Variants in BTBD8 observed in about 807,000 individuals in gnomAD.
The protein encoded by BTBD8 is BTB domain containing 8, also known as BTB/POZ domain-containing protein 8.
BTBD8 carries 110 observed loss-of-function variants against 162.9 expected under a neutral mutation model. The observed-to-expected ratio is 0.68, with a 90% CI of 0.58 to 0.79. The LOEUF (loss-of-function observed/expected upper bound fraction) is 0.79. Ranked by LOEUF, BTBD8 falls within the 30% of genes least tolerant of loss-of-function variation. The pLI, the probability that BTBD8 is intolerant of heterozygous loss-of-function variation, is 0.00. For missense variants in BTBD8, 1,905 were observed against 2,085.4 expected, an observed-to-expected ratio of 0.91 and a Z score of 1.68; for synonymous variants, 667 against 716.1, an observed-to-expected ratio of 0.93 and a Z score of 1.10.
chr1:92,170,963 A>G (rs1029257633), intron 12 of BTBD8, among the ~76,000 whole-genome samples: 2 of 151,770 alleles, frequency 1.3e-5, no homozygotes, highest in African/African-American at 4.8e-5. Flanking sequence ...AATATTTTTA[A>G]TTTCAAGAGT....
intron 2 of BTBD8, among the ~76,000 whole-genome samples, chr1:92,095,909 C>T (rs1648438753): frequency 6.6e-6 from 1 of 152,142 alleles, no homozygotes; most frequent in Non-Finnish European, 1.5e-5. Context: ...TTCTAGCTTA[C>T]TCCCTTTAGG....
intron 13 of BTBD8, among the ~76,000 whole-genome samples, chr1:92,176,496 TATC>T (rs1180832275): frequency 1.3e-5 from 2 of 152,200 alleles, no homozygotes; most frequent in Non-Finnish European, 2.9e-5. Context: ...TCATGGATAT[TATC>T]ATTCCTCAGG....
At chr1:92,139,208 T>TG (rs1649708142) in intron 5 of BTBD8, 142 bp from the exon 6 acceptor site, 8 of 784,858 alleles carry the variant, frequency 1.0e-5, no homozygotes, top group Non-Finnish European at 1.5e-5. Flanking sequence ...TATACCTGCA[T>TG]GGATGTTATT....
chr1:92,176,335 G>A (rs1050195313), intron 13 of BTBD8, among the ~76,000 whole-genome samples: 1 of 151,988 alleles, frequency 6.6e-6, no homozygotes, highest in South Asian at 2.1e-4. Flanking sequence ...TGAGACCTGG[G>A]GTAAATCACA....
At chr1:92,127,443 A>G (rs1001869048) in intron 4 of BTBD8, among the ~76,000 whole-genome samples, 17 of 152,250 alleles carry the variant, frequency 1.1e-4, no homozygotes, top group African/African-American at 3.4e-4. Context: ...AACGAAAGTC[A>G]TAACAGAAAT....
chr1:92,133,189 A>G (rs918252857), intron 5 of BTBD8, among the ~76,000 whole-genome samples: 10 of 152,220 alleles, frequency 6.6e-5, no homozygotes, highest in Admixed American at 2.0e-4. Context: ...GTGTGGTGTC[A>G]TAGAAGGATC....
At chr1:92,119,310 G>T in intron 4 of BTBD8, among the ~76,000 whole-genome samples, 1 of 140,554 alleles carries the variant, frequency 7.1e-6, no homozygotes, top group East Asian at 2.0e-4. Context: ...TTTTGAGACA[G>T]GGTCTTGCTC....
At chr1:92,110,654 T>C (rs1648863916) in intron 4 of BTBD8, among the ~76,000 whole-genome samples, 1 of 152,054 alleles carries the variant, frequency 6.6e-6, no homozygotes, top group Admixed American at 6.6e-5. Context: ...ACCATTCTCC[T>C]GCCTCAGCCT....
At chr1:92,101,723 G>A (rs1056620567) in intron 2 of BTBD8, among the ~76,000 whole-genome samples, 4 of 151,972 alleles carry the variant, frequency 2.6e-5, no homozygotes, top group African/African-American at 9.7e-5. Flanking sequence ...TTTGAGACAG[G>A]GTTTCACTCT....
chr1:92,166,487 C>T (rs760930071), intron 9 of BTBD8, among the ~76,000 whole-genome samples: 26 of 138,406 alleles, frequency 1.9e-4, no homozygotes, highest in African/African-American at 7.2e-4. Flanking sequence ...TGCAGTGGTG[C>T]GATCTCAGCT....
At chr1:92,087,309 G>C (rs1212815144) in intron 1 of BTBD8, among the ~76,000 whole-genome samples, 3 of 152,028 alleles carry the variant, frequency 2.0e-5, no homozygotes, top group Non-Finnish European at 4.4e-5. Flanking sequence ...GGGGTGGGAT[G>C]GGGGGAAGGA....
At chr1:92,166,421 TTTC>T (rs1650387579) in intron 9 of BTBD8, among the ~76,000 whole-genome samples, 1 of 104,202 alleles carries the variant, frequency 9.6e-6, no homozygotes, top group African/African-American at 3.8e-5. Context: ...TTTTCTTTTC[TTTC>T]TTTTTTTTTT....
At position 92,184,424 on chromosome 1, in the gene BTBD8, T is replaced by C. The variant is rs779448086; in HGVS notation, c.*94T>C. On this transcript the variant is annotated 3_prime_UTR_variant, in exon 18 of 18. Transcript: ENST00000636805. ...AATTGCATTAGCCGGATATAAACTT[T>C]CTTTAATATTGAGTCTTTCCAATTT... 4.2e-5 allele frequency: 31 copies of C among 743,676 alleles called. No individual in the cohort carries two copies. The highest frequency in any genetic ancestry group is 6.2e-5 in the Non-Finnish European group (29 of 469,086). 46.1% of individuals were successfully genotyped at this position (743,676 alleles called of 1,614,324 possible). A position where few individuals can be genotyped will look rare whatever the true frequency, so the allele number is the denominator to read the frequency against.
intron 13 of BTBD8, among the ~76,000 whole-genome samples, chr1:92,174,627 T>G (rs564348611): frequency 1.0e-3 from 20 of 19,878 alleles, no homozygotes; most frequent in African/African-American, 1.8e-3. Context: ...TAGAGAAATG[T>G]TTTTTTTTTG....
At chr1:92,139,296 C>A in intron 5 of BTBD8, 54 bp from the exon 6 acceptor site, 1 of 1,507,692 alleles carries the variant, frequency 6.6e-7, no homozygotes. Context: ...TAGAATGAAT[C>A]ATTGATATCA....
chr1:92,104,741 C>T (rs1648680068), intron 3 of BTBD8, among the ~76,000 whole-genome samples: 1 of 152,152 alleles, frequency 6.6e-6, no homozygotes, highest in Non-Finnish European at 1.5e-5. Flanking sequence ...GCCTTTCATA[C>T]TGTTAATACT....
intron 4 of BTBD8, among the ~76,000 whole-genome samples, chr1:92,116,949 A>T (rs1311099022): frequency 1.3e-5 from 2 of 151,644 alleles, no homozygotes; most frequent in Admixed American, 1.3e-4. Flanking sequence ...GCTGGGCTCA[A>T]GTGATCCTCT....
At chr1:92,154,481 C>T (rs560305877) in intron 9 of BTBD8, among the ~76,000 whole-genome samples, 3 of 152,304 alleles carry the variant, frequency 2.0e-5, no homozygotes, top group Admixed American at 2.0e-4. Flanking sequence ...GCCATCCAAA[C>T]AGATGTGCGG....
intron 4 of BTBD8, chr1:92,115,747 C>T (rs1008358122): frequency 2.5e-5 from 6 of 244,554 alleles, no homozygotes; most frequent in Non-Finnish European, 4.9e-5. Context: ...AAAAGCAGCC[C>T]TGATTACCAG....
Sources: allele counts gnomAD v4.1 joint callset (sites outside exome capture counted in the v4.1 genomes callset), GRCh38; gene constraint gnomAD v4.1.1; transcripts MANE v1.5; gene names NCBI Gene and HGNC (gene_info 2026-07-23, HGNC 2026-07-21).